Variants in GLP2R observed in about 807,000 individuals in gnomAD.
The protein encoded by GLP2R is glucagon like peptide 2 receptor.
Under a neutral mutation model 68.2 loss-of-function variants are expected in GLP2R, and 59 were observed. The ratio of observed to expected loss-of-function variants is 0.87; its 90% CI spans 0.70 to 1.07. The LOEUF (loss-of-function observed/expected upper bound fraction) is 1.07, where lower values mean the gene tolerates loss of function less well. GLP2R is among the 50% of genes least tolerant of loss of function. GLP2R has a pLI of 0.00. For synonymous variants in GLP2R, 270 were observed against 265.4 expected, an observed-to-expected ratio of 1.02 and a Z score of -0.17; for missense variants, 548 against 677.4, an observed-to-expected ratio of 0.81 and a Z score of 2.12.
chr17:9,867,962 C>T lies in GLP2R; in HGVS notation c.1057-2785C>T, dbSNP rs371149585. ...GGCTTCCCAAGACATTTCCTCACTCCTGTGCTCTCCTCTTCTAAAGACTTA... is the reference window on the plus strand; with the variant it reads ...GGCTTCCCAAGACATTTCCTCACTCTTGTGCTCTCCTCTTCTAAAGACTTA... On this transcript the variant is annotated intron_variant, in intron 9 of 12. Coordinates refer to ENST00000262441, the MANE Select transcript of GLP2R (RefSeq NM_004246.3). Among the ~76,000 whole-genome samples, 4 of 152,150 alleles carry T rather than the reference C, an allele frequency of 2.6e-5. No individual in the cohort carries two copies. In the South Asian group the frequency reaches 8.3e-4, roughly 32 times the overall value.
chr17:9,879,929 T>A (rs2067180489), intron 10 of GLP2R, among the ~76,000 whole-genome samples: 1 of 152,096 alleles, frequency 6.6e-6, no homozygotes, highest in Admixed American at 6.5e-5. Flanking sequence ...CAACTCATTT[T>A]CTCTCCCTTC....
At chr17:9,854,066 C>T (rs1469322621) in intron 4 of GLP2R, among the ~76,000 whole-genome samples, 3 of 152,208 alleles carry the variant, frequency 2.0e-5, no homozygotes, top group Non-Finnish European at 2.9e-5. Flanking sequence ...TCTATGAAGA[C>T]TTACTTTACA....
intron 9 of GLP2R, among the ~76,000 whole-genome samples, chr17:9,863,701 C>G (rs557749256): frequency 3.9e-5 from 6 of 152,312 alleles, no homozygotes; most frequent in Non-Finnish European, 7.3e-5. Context: ...CTGTGCTGCT[C>G]TACCTGGATG....
intron 6 of GLP2R, among the ~76,000 whole-genome samples, chr17:9,859,170 A>G (rs1291400278): frequency 6.6e-6 from 1 of 152,094 alleles, no homozygotes; most frequent in African/African-American, 2.4e-5. Context: ...TTTTCTTTAC[A>G]TTCAGTTAAG....
chr17:9,880,715 A>T (rs552279598), intron 11 of GLP2R, among the ~76,000 whole-genome samples, 199 bp downstream of exon 11: 1 of 152,324 alleles, frequency 6.6e-6, no homozygotes, highest in Admixed American at 6.5e-5. Flanking sequence ...TGATTCAGTG[A>T]CTAAGAAGGG....
At chr17:9,862,156 A>C in intron 9 of GLP2R, 66 bp downstream of exon 9, 1 of 1,165,292 alleles carries the variant, frequency 8.6e-7, no homozygotes. Context: ...CCCCCGCCCC[A>C]CCCGACTTCT....
intron 10 of GLP2R, among the ~76,000 whole-genome samples, chr17:9,875,588 C>T (rs2067135852): frequency 6.6e-6 from 1 of 152,190 alleles, no homozygotes; most frequent in African/African-American, 2.4e-5. Flanking sequence ...GCCCTTGTCC[C>T]TGGGCTTCCA....
intron 3 of GLP2R, among the ~76,000 whole-genome samples, chr17:9,841,035 GA>G (rs1188025036): frequency 8.8e-5 from 5 of 57,090 alleles, no homozygotes; most frequent in Non-Finnish European, 1.9e-4. Context: ...TTTTTTTTTT[GA>G]GACAGAGTCT....
At chr17:9,870,710 C>G in intron 9 of GLP2R, 37 bp from the exon 10 acceptor site, 1 of 937,380 alleles carries the variant, frequency 1.1e-6, no homozygotes, top group Non-Finnish European at 1.8e-6. Context: ...ATGTGGAATT[C>G]GTCACTTACT....
At chr17:9,849,133 T>C (rs1465504957) in intron 4 of GLP2R, among the ~76,000 whole-genome samples, 4 of 151,670 alleles carry the variant, frequency 2.6e-5, no homozygotes, top group Non-Finnish European at 4.4e-5. Flanking sequence ...TATCCATTGA[T>C]TATATATGAT....
At chr17:9,827,109 T>C (rs2066639178) in intron 1 of GLP2R, among the ~76,000 whole-genome samples, 1 of 152,122 alleles carries the variant, frequency 6.6e-6, no homozygotes, top group African/African-American at 2.4e-5. Flanking sequence ...CCTCAAGTGA[T>C]CTACCCGCCT....
intron 9 of GLP2R, among the ~76,000 whole-genome samples, chr17:9,867,565 T>C (rs73974319): frequency 0.015 from 2,227 of 152,272 alleles, 53 homozygotes; most frequent in African/African-American, 0.05. Flanking sequence ...AGTTGAATCA[T>C]CTCGGAAACT....
intron 3 of GLP2R, among the ~76,000 whole-genome samples, chr17:9,839,908 C>A (rs550713607): frequency 2.6e-5 from 4 of 152,110 alleles, no homozygotes; most frequent in East Asian, 1.9e-4. Context: ...CAGCTCAATC[C>A]TTTCCTCCTT....
At chr17:9,876,159 G>A (rs1474679161) in intron 10 of GLP2R, among the ~76,000 whole-genome samples, 1 of 152,208 alleles carries the variant, frequency 6.6e-6, no homozygotes, top group Non-Finnish European at 1.5e-5. Flanking sequence ...TTATAGGTGT[G>A]AGCCACTGCG....
chr17:9,868,147 G>A (rs1194328637), intron 9 of GLP2R, among the ~76,000 whole-genome samples: 5 of 152,204 alleles, frequency 3.3e-5, no homozygotes, highest in African/African-American at 9.7e-5. Context: ...AAAGGAGAAA[G>A]GGCTTCCTTC....
chr17:9,845,851 T>A (rs1403285354), intron 4 of GLP2R, among the ~76,000 whole-genome samples: 2 of 152,140 alleles, frequency 1.3e-5, no homozygotes, highest in Non-Finnish European at 2.9e-5. Context: ...TTTCATATAG[T>A]TTTTTATTCT....
chr17:9,864,741 T>C (rs1045155453), intron 9 of GLP2R, among the ~76,000 whole-genome samples: 2 of 152,130 alleles, frequency 1.3e-5, no homozygotes, highest in African/African-American at 4.8e-5. Context: ...CAGGCTGGTC[T>C]CGAACTCCTG....
chr17:9,874,702 C>T (rs1179224726), intron 10 of GLP2R, among the ~76,000 whole-genome samples: 4 of 152,160 alleles, frequency 2.6e-5, no homozygotes, highest in African/African-American at 7.2e-5. Context: ...TCATTTTTAA[C>T]GTCTGTGGAA....
chr17:9,862,422 A>G (rs2152040566), intron 9 of GLP2R, among the ~76,000 whole-genome samples: 1 of 152,354 alleles, frequency 6.6e-6, no homozygotes, highest in African/African-American at 2.4e-5. Flanking sequence ...CCAGAATAGC[A>G]GGGGTATCGG....
Sources: gnomAD v4.1 joint callset for allele counts (sites outside exome capture counted in the v4.1 genomes callset) on GRCh38, gnomAD v4.1.1 for gene constraint, MANE v1.5 for transcripts, NCBI Gene and HGNC (gene_info 2026-07-23, HGNC 2026-07-21) for gene names.